Variants in CHD1L observed in about 807,000 individuals in gnomAD.
CHD1L encodes chromodomain helicase DNA binding protein 1 like, also known as ATP-dependent chromatin remodeler CHD1L.
CHD1L carries 118 observed loss-of-function variants against 115.9 expected under a neutral mutation model. That is an observed-to-expected ratio of 1.02 (90% CI 0.88 to 1.19). The LOEUF is 1.19. Ranked by LOEUF, CHD1L falls within the 50% of genes most tolerant of loss-of-function variation. The pLI is 0.00. For missense variants in CHD1L, 1,179 were observed against 1,065.3 expected, an observed-to-expected ratio of 1.11 and a Z score of -1.49; for synonymous variants, 411 against 387.1, an observed-to-expected ratio of 1.06 and a Z score of -0.72.
In CHD1L at chr1:147,269,667, CAAA is replaced by C. The variant is rs10649680; in HGVS notation, c.1085+807_1085+809del. Among the ~76,000 whole-genome samples, 277 of 93,260 alleles carry C rather than the reference CAAA, an allele frequency of 3.0e-3. 2 individuals carry two copies. The highest frequency in any genetic ancestry group is 3.9e-3 in the Non-Finnish European group (195 of 50,316). The allele number at this position is 93,260 out of a possible 152,430, so 61.2% of individuals were successfully genotyped here. The stretch of plus-strand genomic sequence containing the variant: ...CTGGTGACAGAGCGAGGCTCCATCT[CAAA>C]AAAAAAAAAAAAAAAAAGACCAGGT... On this transcript the variant is annotated intron_variant, in intron 10 of 22. Transcript: ENST00000369258.
the CHD1L span, among the ~76,000 whole-genome samples, chr1:147,188,246 G>A: frequency 6.6e-6 from 1 of 152,006 alleles, no homozygotes; most frequent in South Asian, 2.1e-4. Context: ...CATGAGGTTG[G>A]GCGTGGTGTT....
At chr1:147,201,607 T>C in the CHD1L span, 2 of 782,394 alleles carry the variant, frequency 2.6e-6, no homozygotes, top group Non-Finnish European at 2.1e-6. Flanking sequence ...ATGCCAATAA[T>C]CTTCCCCTTG....
At chr1:147,288,548 G>T (rs1684295961) in intron 19 of CHD1L, among the ~76,000 whole-genome samples, 1 of 151,926 alleles carries the variant, frequency 6.6e-6, no homozygotes, top group African/African-American at 2.4e-5. Context: ...AGGCATGGTG[G>T]CACATGCCTG....
At chr1:147,231,063 C>T in the CHD1L span, among the ~76,000 whole-genome samples, 1,967 of 152,000 alleles carry the variant, frequency 0.013, 41 homozygotes, top group African/African-American at 0.045. Context: ...TGAATGTGTT[C>T]GCTCTTGCTT....
chr1:147,190,955 T>C, the CHD1L span, among the ~76,000 whole-genome samples: 1 of 152,068 alleles, frequency 6.6e-6, no homozygotes, highest in African/African-American at 2.4e-5. Flanking sequence ...CTCCTTGTGA[T>C]AGTTTGCTGA....
the CHD1L span, among the ~76,000 whole-genome samples, chr1:147,211,837 C>T: frequency 0.016 from 2,484 of 152,304 alleles, 64 homozygotes; most frequent in African/African-American, 0.056. Context: ...AAGGCCAGGG[C>T]AAGCTGCTTG....
At chr1:147,192,722 G>A in the CHD1L span, among the ~76,000 whole-genome samples, 1 of 152,136 alleles carries the variant, frequency 6.6e-6, no homozygotes, top group African/African-American at 2.4e-5. Flanking sequence ...TTAGCATGAA[G>A]TGTTGTTGAA....
At chr1:147,291,017 G>A (rs1197353876) in intron 19 of CHD1L, among the ~76,000 whole-genome samples, 1 of 152,154 alleles carries the variant, frequency 6.6e-6, no homozygotes, top group African/African-American at 2.4e-5. Context: ...ATCAGCTTAT[G>A]TAAAGCCATA....
At chr1:147,184,299 C>T in the CHD1L span, 1 of 457,490 alleles carries the variant, frequency 2.2e-6, no homozygotes, top group South Asian at 8.7e-5. This position sits in a 1 kb window ranked among gnomAD's most constrained non-coding sequence, Gnocchi z 4.4. Flanking sequence ...GTACAGCATT[C>T]TCATGTACCC....
chr1:147,238,812 GT>G (rs1290079100), upstream of CHD1L, among the ~76,000 whole-genome samples: 41 of 152,090 alleles, frequency 2.7e-4, 1 homozygote, highest in Non-Finnish European at 1.5e-5. Flanking sequence ...GCCTAACCTT[GT>G]TTTTACTAAC....
At chr1:147,294,355 A>G in intron 21 of CHD1L, 54 bp from the exon 22 acceptor site, 4 of 1,265,720 alleles carry the variant, frequency 3.2e-6, no homozygotes, top group Non-Finnish European at 4.5e-6. Context: ...TGTATTTTAT[A>G]CCCATCAATC....
At chr1:147,290,257 G>C (rs1684982075) in intron 19 of CHD1L, among the ~76,000 whole-genome samples, 1 of 151,768 alleles carries the variant, frequency 6.6e-6, no homozygotes, top group Admixed American at 6.6e-5. Context: ...CCACTCTTTT[G>C]AATTTTTGGT....
chr1:147,292,218 A>T (rs1325863498), intron 20 of CHD1L, among the ~76,000 whole-genome samples: 10 of 152,048 alleles, frequency 6.6e-5, no homozygotes, highest in African/African-American at 2.4e-4. Context: ...AGAAGGCATG[A>T]CTCAGAACTC....
the CHD1L span, among the ~76,000 whole-genome samples, chr1:147,198,850 CAAAA>C: frequency 1.9e-5 from 1 of 51,780 alleles, no homozygotes; most frequent in South Asian, 9.9e-4. Flanking sequence ...GACTGCATCT[CAAAA>C]AAAAAAAAAA....
Position 147,294,534 on chromosome 1 carries a change from T to C in CHD1L, c.2615+17T>C. 1 of 1,586,250 alleles carries C rather than the reference T, an allele frequency of 6.3e-7. No homozygotes were observed. The highest frequency in any genetic ancestry group is 8.6e-7 in the Non-Finnish European group (1 of 1,159,594). On this transcript the variant is annotated intron_variant, in intron 22 of 22. Transcript: ENST00000369258. ...AACTTACATGTATCCTTTTGTGATC[T>C]TCATTGTGTGTTCTCCCAACCCAAG...
the CHD1L span, among the ~76,000 whole-genome samples, chr1:147,233,823 G>T: frequency 6.6e-6 from 1 of 151,752 alleles, no homozygotes; most frequent in African/African-American, 2.4e-5. Flanking sequence ...TGAAACATGT[G>T]CTGTGTCCAC....
chr1:147,253,779 T>C (rs1669170846), intron 2 of CHD1L, among the ~76,000 whole-genome samples: 1 of 152,268 alleles, frequency 6.6e-6, no homozygotes, highest in African/African-American at 2.4e-5. Flanking sequence ...ATTACAGGCG[T>C]GAGCCACTGC....
At chr1:147,276,315 G>T in intron 14 of CHD1L, 58 bp downstream of exon 14, 1 of 1,553,092 alleles carries the variant, frequency 6.4e-7, no homozygotes, top group Non-Finnish European at 8.7e-7. Flanking sequence ...TTGTGGAGGA[G>T]AATGTAAATG....
At chr1:147,214,467 A>C in the CHD1L span, among the ~76,000 whole-genome samples, 3 of 41,958 alleles carry the variant, frequency 7.2e-5, no homozygotes, top group Non-Finnish European at 5.3e-5. Context: ...AACAAAAAAC[A>C]AAAAAAAAAA....
Sources: allele counts gnomAD v4.1 joint callset (sites outside exome capture counted in the v4.1 genomes callset), GRCh38; gene constraint gnomAD v4.1.1; non-coding constraint Gnocchi (gnomAD v3.1); transcripts MANE v1.5; gene names NCBI Gene and HGNC (gene_info 2026-07-23, HGNC 2026-07-21).